Variants in RNF111 observed in about 807,000 individuals in gnomAD.
RNF111 encodes the protein E3 ubiquitin-protein ligase Arkadia.
RNF111 carries 17 observed loss-of-function variants against 95.1 expected under a neutral mutation model. That is an observed-to-expected ratio of 0.18 (90% CI 0.12 to 0.27). The LOEUF is 0.27. RNF111 is among the 10% of genes least tolerant of loss of function. The probability of loss-of-function intolerance (pLI) is 1.00; values close to 1 mark genes in which losing one functional copy is unlikely to be tolerated. For synonymous variants in RNF111, 440 were observed against 414.8 expected (o/e 1.06, Z -0.74); for missense variants, 1,189 against 1,210.4 (o/e 0.98, Z 0.26).
At chr15:59,033,591 C>T (rs4775111) in intron 2 of RNF111, among the ~76,000 whole-genome samples, 52,074 of 151,752 alleles carry the variant, frequency 0.34, 9,058 homozygotes, top group Middle Eastern at 0.47. Flanking sequence ...AGTTTGTGCT[C>T]GAAGTCAGTG....
chr15:59,065,910 C>G (rs1437526648), intron 5 of RNF111, among the ~76,000 whole-genome samples: 1 of 152,046 alleles, frequency 6.6e-6, no homozygotes, highest in African/African-American at 2.4e-5. Context: ...ACTTAGGAGG[C>G]TGAGGCAGGA....
intron 1 of RNF111, among the ~76,000 whole-genome samples, chr15:58,989,923 CT>C (rs1185714753): frequency 6.6e-6 from 1 of 151,264 alleles, no homozygotes; most frequent in East Asian, 1.9e-4. Context: ...TCATGCTTTA[CT>C]TGAGGCATAC....
At chr15:59,004,233 C>A in intron 1 of RNF111, 2 of 532,648 alleles carry the variant, frequency 3.8e-6, no homozygotes, top group Non-Finnish European at 2.7e-6. Flanking sequence ...AATACTCCTT[C>A]TTTTCTCTCC....
At chr15:59,026,273 T>G (rs2040602811) in intron 1 of RNF111, among the ~76,000 whole-genome samples, 1 of 152,148 alleles carries the variant, frequency 6.6e-6, no homozygotes, top group Non-Finnish European at 1.5e-5. Context: ...CCAACCCTAA[T>G]TTTTAGTTTT....
intron 8 of RNF111, among the ~76,000 whole-genome samples, chr15:59,082,793 C>T (rs2078785099): frequency 6.6e-6 from 1 of 152,146 alleles, no homozygotes; most frequent in Admixed American, 6.6e-5. Flanking sequence ...TCTTGTGTAA[C>T]TTTTTGTTTT....
chr15:59,003,368 G>A (rs1443066805), intron 1 of RNF111, among the ~76,000 whole-genome samples: 4 of 149,638 alleles, frequency 2.7e-5, no homozygotes, highest in Non-Finnish European at 5.9e-5. Flanking sequence ...ACCTCCCAAA[G>A]TTATGGGATT....
At chr15:58,994,083 G>C (rs2038939346) in intron 1 of RNF111, among the ~76,000 whole-genome samples, 2 of 143,538 alleles carry the variant, frequency 1.4e-5, no homozygotes, top group Admixed American at 1.5e-4. Context: ...TGTGGCCCAG[G>C]CTGGAGTGCA....
chr15:58,996,009 A>C (rs1441598821), intron 1 of RNF111, among the ~76,000 whole-genome samples: 2 of 151,970 alleles, frequency 1.3e-5, no homozygotes, highest in Non-Finnish European at 2.9e-5. Context: ...TAGTAGGTTT[A>C]TATTTCTTTG....
intron 2 of RNF111, among the ~76,000 whole-genome samples, chr15:59,044,196 C>A (rs1181490583): frequency 1.3e-5 from 2 of 152,234 alleles, no homozygotes; most frequent in South Asian, 4.2e-4. Flanking sequence ...ATGCCCAGCT[C>A]ATTTTTGTAT....
At chr15:59,017,948 G>A (rs1445314061) in intron 1 of RNF111, among the ~76,000 whole-genome samples, 1 of 151,798 alleles carries the variant, frequency 6.6e-6, no homozygotes, top group Non-Finnish European at 1.5e-5. Flanking sequence ...TGGTAGAGAC[G>A]GGGTTTCATC....
chr15:59,051,445 G>A (rs1383385241), intron 2 of RNF111, among the ~76,000 whole-genome samples: 5 of 133,228 alleles, frequency 3.8e-5, no homozygotes, highest in African/African-American at 1.2e-4. Flanking sequence ...GCGATTGAGC[G>A]AGACTCTGTC....
At chr15:59,030,541 T>G (rs1419191270) in intron 1 of RNF111, among the ~76,000 whole-genome samples, 2 of 152,168 alleles carry the variant, frequency 1.3e-5, no homozygotes, top group Non-Finnish European at 2.9e-5. Flanking sequence ...ATAAGATCAG[T>G]TTTTGGTTAA....
At chr15:59,067,118 C>A in intron 6 of RNF111, 35 bp downstream of exon 6, 2 of 1,534,786 alleles carry the variant, frequency 1.3e-6, no homozygotes, top group South Asian at 1.2e-5. Flanking sequence ...TCTTTCCTGC[C>A]CCTCTTGTCT....
Position 59,081,024 on chromosome 15 carries a change from T to G in RNF111, c.2037T>G (p.Pro679=). 2 of 1,614,102 alleles carry G rather than the reference T, an allele frequency of 1.2e-6. No individual in the cohort carries two copies. Among genetic ancestry groups the G allele is most frequent in the African/African-American group, 2.7e-5 (2 of 75,018 alleles). ...GNPPPQTQPP[P]QVDYVIPHPV... ...CCCCTCCTCAGACTCAGCCTCCGCC[T>G]CAAGTGGATTATGTTATTCCTCATC... Residue 679 remains proline (P), a synonymous_variant, in exon 8 of 14, where the codon CCT becomes CCG. Coordinates refer to ENST00000348370, the MANE Select transcript of RNF111 (RefSeq NM_017610.8).
chr15:59,086,175 A>G (rs565767512), intron 10 of RNF111, among the ~76,000 whole-genome samples: 229 of 151,872 alleles, frequency 1.5e-3, no homozygotes, highest in African/African-American at 5.1e-3. Context: ...GCTGGAGTGC[A>G]GTAGTATGAT....
intron 3 of RNF111, among the ~76,000 whole-genome samples, chr15:59,054,076 C>T (rs1298687656): frequency 6.6e-6 from 1 of 152,134 alleles, no homozygotes; most frequent in Non-Finnish European, 1.5e-5. Flanking sequence ...GCTGGGATTA[C>T]AGGCATGAGC....
chr15:59,029,042 A>G (rs1348414209), intron 1 of RNF111, among the ~76,000 whole-genome samples: 1 of 152,118 alleles, frequency 6.6e-6, no homozygotes, highest in African/African-American at 2.4e-5. Context: ...GGCCTCCCAA[A>G]GTGGTGGGAT....
intron 11 of RNF111, among the ~76,000 whole-genome samples, chr15:59,090,441 G>A (rs1254081905): frequency 3.3e-5 from 5 of 152,102 alleles, no homozygotes; most frequent in African/African-American, 4.8e-5. Flanking sequence ...TGTTGGCCAG[G>A]CTGCTCTTGA....
Position 58,996,394 on chromosome 15 carries a change from G to A in RNF111, c.-20+8326G>A, listed in dbSNP as rs557503894. ...TCAAGATCATCCTGGCCAACCTGAT[G>A]AAACCCTGTCTCAACTGAAAAATGC... On this transcript the variant is annotated intron_variant, in intron 1 of 13. Transcript: ENST00000348370. 3.3e-5 allele frequency among the ~76,000 whole-genome samples: 5 copies of A among 151,676 alleles called. No homozygotes were observed. The South Asian group carries it at 1.0e-3, about 32-fold the overall frequency.
Sources: gnomAD v4.1 joint callset for allele counts (sites outside exome capture counted in the v4.1 genomes callset) on GRCh38, gnomAD v4.1.1 for gene constraint, MANE v1.5 for transcripts, NCBI Gene and HGNC (gene_info 2026-07-23, HGNC 2026-07-21) for gene names.